Variants in C12orf42 observed in about 807,000 individuals in gnomAD.
C12orf42 encodes uncharacterized protein C12orf42.
A neutral mutation model predicts 21.6 loss-of-function variants in C12orf42; 25 were observed. The ratio of observed to expected loss-of-function variants is 1.16; its 90% CI spans 0.84 to 1.62. The LOEUF is 1.62. Ranked by LOEUF, C12orf42 falls within the 40% of genes most tolerant of loss-of-function variation. The pLI is 0.00. For synonymous variants in C12orf42, 174 were observed against 175.0 expected (o/e 0.99, Z 0.05); for missense variants, 483 against 459.3 (o/e 1.05, Z -0.47).
intron 4 of C12orf42, among the ~76,000 whole-genome samples, chr12:103,368,317 TCACACACACACACA>T (rs3065785): frequency 6.8e-6 from 1 of 146,520 alleles, no homozygotes; most frequent in Non-Finnish European, 1.5e-5. Flanking sequence ...TCTCTCTCTC[TCACACACACACACA>T]CACACACACA....
intron 2 of C12orf42, among the ~76,000 whole-genome samples, chr12:103,462,139 C>T (rs1361037710): frequency 3.5e-5 from 1 of 28,894 alleles, no homozygotes; most frequent in Non-Finnish European, 6.9e-5. Flanking sequence ...CAGAGTTTCG[C>T]TCTTGTTGCC....
In C12orf42 at chr12:103,460,330, A is replaced by T. The variant is rs559499159; in HGVS notation, c.78+18019T>A. 2.6e-4 allele frequency among the ~76,000 whole-genome samples: 39 copies of T among 152,040 alleles called. 1 individual carries two copies. Among genetic ancestry groups the T allele is most frequent in the African/African-American group, 9.2e-4 (38 of 41,496 alleles). On this transcript the variant is annotated intron_variant, in intron 2 of 5. Transcript: ENST00000548883. ...AGCAAAGGAATTCCCGGGAAAGATTACTATGGGCCAGGTCGGCACATGGTA... is the reference window on the plus strand; with the variant it reads ...AGCAAAGGAATTCCCGGGAAAGATTTCTATGGGCCAGGTCGGCACATGGTA...
chr12:103,386,789 G>A (rs542983529), intron 3 of C12orf42, among the ~76,000 whole-genome samples: 20 of 152,274 alleles, frequency 1.3e-4, no homozygotes, highest in African/African-American at 4.1e-4. Context: ...ACTGTTGACC[G>A]AGACTCCAAG....
At chr12:103,236,310 T>C (rs946590907), downstream of C12orf42, among the ~76,000 whole-genome samples, 3 of 152,176 alleles carry the variant, frequency 2.0e-5, no homozygotes, top group African/African-American at 7.2e-5. Context: ...GAATAAATTC[T>C]TTCAATAACA....
chr12:103,281,914 A>AG (rs1566016169), intron 4 of C12orf42, among the ~76,000 whole-genome samples: 4 of 110,474 alleles, frequency 3.6e-5, no homozygotes, highest in Admixed American at 2.0e-4. Flanking sequence ...AAGAAGAAAG[A>AG]AAAAGAAAGA....
At chr12:103,398,955 T>C (rs1358221940) in intron 3 of C12orf42, among the ~76,000 whole-genome samples, 2 of 152,126 alleles carry the variant, frequency 1.3e-5, no homozygotes, top group African/African-American at 2.4e-5. Context: ...ATTTAACTTA[T>C]AGGATCAGTC....
At chr12:103,401,732 A>G in intron 2 of C12orf42, 57 bp from the exon 3 acceptor site, 1 of 1,516,724 alleles carries the variant, frequency 6.6e-7, no homozygotes, top group South Asian at 1.1e-5. Flanking sequence ...ACAAAGAAAC[A>G]TTTCCATTCC....
Position 103,302,105 on chromosome 12 carries a change from C to A in C12orf42, c.*3G>T, listed in dbSNP as rs779215317. The A allele has an allele frequency of 1.9e-6, 3 of 1,602,820 alleles. No homozygotes were observed. Among genetic ancestry groups the A allele is most frequent in the Non-Finnish European group, 1.7e-6 (2 of 1,174,814 alleles). ...CACTCGCCGAACAATTCCCTCGCAG[C>A]GGTCAATGTAAGTGAGCATTCACCA... is the stretch of plus-strand genomic sequence containing the variant. On this transcript the variant is annotated 3_prime_UTR_variant, in exon 6 of 6. Coordinates refer to ENST00000548883, the MANE Select transcript of C12orf42 (RefSeq NM_198521.5).
chr12:103,384,583 ACT>A (rs1436589612), intron 3 of C12orf42, among the ~76,000 whole-genome samples: 12 of 152,326 alleles, frequency 7.9e-5, no homozygotes, highest in Non-Finnish European at 1.5e-4. Flanking sequence ...CTCCTTCTTG[ACT>A]GAGGGCTAAC....
chr12:103,425,403 C>A (rs1949723717), intron 2 of C12orf42, among the ~76,000 whole-genome samples: 1 of 152,194 alleles, frequency 6.6e-6, no homozygotes, highest in African/African-American at 2.4e-5. Flanking sequence ...AGATACCTCC[C>A]AGCAGAGGTC....
chr12:103,057,928 A>C, the C12orf42 span, among the ~76,000 whole-genome samples: 1 of 148,734 alleles, frequency 6.7e-6, no homozygotes, highest in Admixed American at 6.7e-5. Context: ...TGTAGTTTTG[A>C]TTTGTATTTC....
chr12:103,108,982 C>A, the C12orf42 span, among the ~76,000 whole-genome samples: 6 of 152,092 alleles, frequency 3.9e-5, no homozygotes, highest in Admixed American at 3.9e-4. Context: ...ATACATATGT[C>A]CTTGTAGGAA....
chr12:103,084,277 A>G, the C12orf42 span, among the ~76,000 whole-genome samples: 1 of 152,214 alleles, frequency 6.6e-6, no homozygotes, highest in Non-Finnish European at 1.5e-5. Context: ...AACAATTTTT[A>G]TGACAAAATG....
At chr12:103,200,825 C>T in the C12orf42 span, among the ~76,000 whole-genome samples, 1,252 of 152,222 alleles carry the variant, frequency 8.2e-3, 13 homozygotes, top group Non-Finnish European at 7.7e-3. Context: ...AATTTTAAAT[C>T]ATTATAATTA....
At chr12:103,166,131 G>A in the C12orf42 span, among the ~76,000 whole-genome samples, 1 of 152,086 alleles carries the variant, frequency 6.6e-6, no homozygotes, top group Non-Finnish European at 1.5e-5. Flanking sequence ...AGAAACACAG[G>A]CCCTGAAGTC....
At chr12:103,405,148 G>T (rs2048328709) in intron 2 of C12orf42, among the ~76,000 whole-genome samples, 1 of 152,218 alleles carries the variant, frequency 6.6e-6, no homozygotes. Context: ...ATTTAAAAAG[G>T]AGGAGGGAAT....
At chr12:103,206,162 C>G in the C12orf42 span, among the ~76,000 whole-genome samples, 4 of 152,226 alleles carry the variant, frequency 2.6e-5, no homozygotes, top group Non-Finnish European at 4.4e-5. Context: ...AGATCCAGCA[C>G]TCAACGCCAA....
At chr12:103,203,309 T>G in the C12orf42 span, among the ~76,000 whole-genome samples, 12 of 152,216 alleles carry the variant, frequency 7.9e-5, no homozygotes, top group Non-Finnish European at 1.3e-4. Flanking sequence ...ACAGGATTTT[T>G]GTCATAGTTC....
At chr12:103,277,459 G>T (rs1228120667) in intron 4 of C12orf42, among the ~76,000 whole-genome samples, 3 of 151,966 alleles carry the variant, frequency 2.0e-5, no homozygotes, top group African/African-American at 7.2e-5. Flanking sequence ...AGAATGAAAA[G>T]GTAAATAATT....
Sources: gnomAD v4.1 joint callset for allele counts (sites outside exome capture counted in the v4.1 genomes callset) on GRCh38, gnomAD v4.1.1 for gene constraint, MANE v1.5 for transcripts, NCBI Gene and HGNC (gene_info 2026-07-23, HGNC 2026-07-21) for gene names.